The following SMC1B variants were observed in gnomAD, a reference collection of about 807,000 sequenced individuals.
The protein encoded by SMC1B is structural maintenance of chromosomes protein 1B.
A neutral mutation model predicts 157.9 loss-of-function variants in SMC1B; 60 were observed. That is an observed-to-expected ratio of 0.38 (90% CI 0.31 to 0.47). The LOEUF is 0.47. Among genes scored for constraint, SMC1B ranks in the 20% least tolerant of loss-of-function variants. SMC1B has a pLI of 0.99. For missense variants in SMC1B, 1,165 were observed against 1,426.2 expected, an observed-to-expected ratio of 0.82 and a Z score of 2.95; for synonymous variants, 445 against 483.0, an observed-to-expected ratio of 0.92 and a Z score of 1.03.
rs1475836356 is a variant in SMC1B, at chr22:45,399,133, A to C, written c.1075T>G (p.Leu359Val). 6 of 1,613,640 alleles carry C rather than the reference A, an allele frequency of 3.7e-6. No individual in the cohort carries two copies. Among genetic ancestry groups the C allele is most frequent in the African/African-American group, 1.3e-5 (1 of 74,988 alleles). Residue 359 changes from leucine to valine, a missense_variant, in exon 6 of 25, where the codon TTA becomes GTA. By Grantham distance (32) the Leu-to-Val change is conservative. Transcript: ENST00000357450. ...AGTTCAATGTCTCGCTTTTTATGTA[A>C]AATTTCTTCCTCAATCTGCTTTTCA... is the stretch of plus-strand genomic sequence containing the variant. The part of the protein sequence containing the change: ...SFEKQIEEEI[L>V]HKKRDIELEA...
intron 1 of SMC1B, among the ~76,000 whole-genome samples, chr22:45,409,292 G>A (rs1337098154): frequency 1.3e-5 from 2 of 152,150 alleles, no homozygotes; most frequent in Non-Finnish European, 2.9e-5. Flanking sequence ...GGCTGGACGC[G>A]GTGGCTCATG....
chr22:45,389,127 C>G (rs945286652), intron 10 of SMC1B, among the ~76,000 whole-genome samples: 4 of 151,992 alleles, frequency 2.6e-5, no homozygotes, highest in African/African-American at 9.7e-5. Context: ...TTAACTATTA[C>G]GCAGACTGCC....
chr22:45,389,512 A>G (rs2087032126), intron 10 of SMC1B, among the ~76,000 whole-genome samples, 200 bp downstream of exon 10: 1 of 152,260 alleles, frequency 6.6e-6, no homozygotes, highest in African/African-American at 2.4e-5. Flanking sequence ...AAGAAATGGT[A>G]TGATGTCAAG....
At chr22:45,380,323 C>T (rs2086924095) in intron 12 of SMC1B, among the ~76,000 whole-genome samples, 1 of 152,108 alleles carries the variant, frequency 6.6e-6, no homozygotes, top group Non-Finnish European at 1.5e-5. Context: ...CCCTTTCCCA[C>T]CAAACGTACG....
At chr22:45,411,639 T>C (rs2087334808) in intron 1 of SMC1B, among the ~76,000 whole-genome samples, 1 of 152,214 alleles carries the variant, frequency 6.6e-6, no homozygotes. Flanking sequence ...CAGGCTGGAG[T>C]GCAGTGGCGT....
chr22:45,400,543 TA>T (rs2087180176), intron 5 of SMC1B, among the ~76,000 whole-genome samples: 1 of 152,196 alleles, frequency 6.6e-6, no homozygotes, highest in Non-Finnish European at 1.5e-5. Context: ...AATAATTAAG[TA>T]GAGACAAATC....
intron 23 of SMC1B, among the ~76,000 whole-genome samples, chr22:45,348,239 A>G (rs1359130963): frequency 6.6e-6 from 1 of 152,166 alleles, no homozygotes; most frequent in Non-Finnish European, 1.5e-5. Context: ...ACAGTAAATT[A>G]TTGGATACAT....
chr22:45,350,234 T>C (rs1234312714), intron 22 of SMC1B, among the ~76,000 whole-genome samples: 1 of 151,072 alleles, frequency 6.6e-6, no homozygotes, highest in Non-Finnish European at 1.5e-5. Flanking sequence ...TACCAATAAT[T>C]CTAACCTGTC....
At chr22:45,392,481 T>TTGTG (rs136602) in intron 9 of SMC1B, among the ~76,000 whole-genome samples, 1,720 of 148,032 alleles carry the variant, frequency 0.012, 37 homozygotes, top group African/African-American at 0.04. Flanking sequence ...TTTTAACTAG[T>TTGTG]TGTGTGTGTG....
intron 6 of SMC1B, 116 bp downstream of exon 6, chr22:45,398,979 T>A: frequency 9.6e-7 from 1 of 1,046,028 alleles, no homozygotes; most frequent in South Asian, 1.6e-5. Context: ...TCCCCACAAT[T>A]TACATTGAGG....
chr22:45,379,835 C>T (rs1246752597), intron 12 of SMC1B, among the ~76,000 whole-genome samples: 3 of 145,274 alleles, frequency 2.1e-5, no homozygotes, highest in South Asian at 2.2e-4. Context: ...TGGGTGCAAG[C>T]GAATCTCCTG....
At chr22:45,406,889 TTAAAAAATATATAAATACCAGA>T (rs1200782191) in intron 2 of SMC1B, 24 bp from the exon 3 acceptor site, 1 of 1,489,510 alleles carries the variant, frequency 6.7e-7, no homozygotes, top group Non-Finnish European at 9.0e-7. Context: ...ATAAACCCTG[TTAAAAAATATATAAATACCAGA>T]TATACCTCAA....
chr22:45,412,448 C>T (rs542697988), intron 1 of SMC1B, among the ~76,000 whole-genome samples: 3 of 151,162 alleles, frequency 2.0e-5, no homozygotes, highest in South Asian at 4.2e-4. Context: ...ATCCACCCGC[C>T]TCGGCCTCCT....
intron 4 of SMC1B, among the ~76,000 whole-genome samples, chr22:45,406,048 G>T (rs1261401229): frequency 6.6e-6 from 1 of 152,022 alleles, no homozygotes; most frequent in Non-Finnish European, 1.5e-5. Context: ...TTTTTACAGG[G>T]ATCATTAAAA....
In SMC1B at chr22:45,396,350, ACTT is replaced by A; in HGVS notation, c.1247_1249del (p.Glu416del). 1.2e-6 allele frequency: 2 copies of A among 1,611,230 alleles called. No individual in the cohort carries two copies. Among genetic ancestry groups the A allele is most frequent in the Non-Finnish European group, 1.7e-6 (2 of 1,178,812 alleles). Reference sequence around the variant, plus strand: ...TTACTGTACAACCCAAGACACCTGAACTTCTCCATGCCTCCTCTTTTCAAATGC... The same window carrying A: ...TTACTGTACAACCCAAGACACCTGAACTCCATGCCTCCTCTTTTCAAATGC... On this transcript the variant is annotated inframe_deletion, in exon 7 of 25. Coordinates refer to ENST00000357450, the MANE Select transcript of SMC1B (RefSeq NM_148674.5).
chr22:45,379,458 T>G (rs1035607614), intron 12 of SMC1B, among the ~76,000 whole-genome samples: 2 of 152,180 alleles, frequency 1.3e-5, no homozygotes, highest in African/African-American at 4.8e-5. Flanking sequence ...TTCACTCATT[T>G]TTATTGGTTT....
rs1187896882 is a variant in SMC1B, at chr22:45,359,905, T to A, written c.2762A>T (p.Gln921Leu). Residue 921 changes from glutamine (Q) to leucine (L), a missense_variant, in exon 18 of 25, where the codon CAG becomes CTG. Physicochemically the swap from Gln to Leu is moderately radical, Grantham distance 113. Coordinates refer to ENST00000357450, the MANE Select transcript of SMC1B (RefSeq NM_148674.5). ...EVVSIQTSLE[Q>L]KRLEKHNLLL... ...CAAGTTATGCTTCTCTAATCGTTTCTGTTCCAGAGAAGTTTGAATACTTAC... is the reference window on the plus strand; with the variant it reads ...CAAGTTATGCTTCTCTAATCGTTTCAGTTCCAGAGAAGTTTGAATACTTAC... 6.2e-6 allele frequency: 10 copies of A among 1,614,020 alleles called. No individual in the cohort carries two copies. The highest frequency in any genetic ancestry group is 8.5e-6 in the Non-Finnish European group (10 of 1,179,978).
At chr22:45,388,821 C>T (rs1208412200) in intron 10 of SMC1B, among the ~76,000 whole-genome samples, 3 of 149,844 alleles carry the variant, frequency 2.0e-5, no homozygotes. Context: ...ACTAAAAATA[C>T]AAAAAAAAGA....
At chr22:45,413,432 C>CG in intron 1 of SMC1B, 27 bp downstream of exon 1, 1 of 1,542,638 alleles carries the variant, frequency 6.5e-7, no homozygotes, top group Non-Finnish European at 8.8e-7. Context: ...GGAGGCGCTC[C>CG]GGTGGCGCCC....
Sources: gnomAD v4.1 joint callset for allele counts (sites outside exome capture counted in the v4.1 genomes callset) on GRCh38, gnomAD v4.1.1 for gene constraint, MANE v1.5 for transcripts, NCBI Gene and HGNC (gene_info 2026-07-23, HGNC 2026-07-21) for gene names.